Variants in ZNF709 observed in about 807,000 individuals in gnomAD.
The protein encoded by ZNF709 is zinc finger protein 709.
ZNF709 carries 15 observed loss-of-function variants against 10.6 expected under a neutral mutation model. The ratio of observed to expected loss-of-function variants is 1.41; its 90% confidence interval spans 0.95 to 2.18. The LOEUF (loss-of-function observed/expected upper bound fraction) is 2.18. Ranked by LOEUF, ZNF709 falls within the 30% of genes most tolerant of loss-of-function variation. The pLI, the probability that ZNF709 is intolerant of heterozygous loss-of-function variation, is 0.00. For missense variants in ZNF709, 589 were observed against 774.0 expected, an observed-to-expected ratio of 0.76 and a Z score of 2.84; for synonymous variants, 194 against 238.8, an observed-to-expected ratio of 0.81 and a Z score of 1.73.
chr19:12,470,699 G>A (rs1415649970), intron 1 of ZNF709, among the ~76,000 whole-genome samples: 3 of 152,014 alleles, frequency 2.0e-5, no homozygotes, highest in Non-Finnish European at 4.4e-5. Flanking sequence ...AGGCTGAGGT[G>A]GGCGGATCAC....
At chr19:12,481,275 G>A in intron 1 of ZNF709, 1 of 735,466 alleles carries the variant, frequency 1.4e-6, no homozygotes, top group East Asian at 1.3e-4. Context: ...CTGTTGCCCA[G>A]GCTGGATTGC....
intron 1 of ZNF709, among the ~76,000 whole-genome samples, chr19:12,468,533 A>T (rs949447105): frequency 4.0e-4 from 60 of 151,638 alleles, no homozygotes; most frequent in Admixed American, 1.1e-3. Context: ...CCTAATCTCA[A>T]GTACCCAGGG....
In ZNF709 at chr19:12,463,458, A is replaced by G. The variant is rs986794780; in HGVS notation, c.*538T>C. 6.6e-6 allele frequency: 1 copy of G among 152,236 alleles called. No homozygotes were observed. Among genetic ancestry groups the G allele is most frequent in the Non-Finnish European group, 1.5e-5 (1 of 68,050 alleles). The allele number at this position is 152,236 out of a possible 1,614,324, so 9.4% of individuals were successfully genotyped here. A position where few individuals can be genotyped will look rare whatever the true frequency, so the allele number is the denominator to read the frequency against. On this transcript the variant is annotated 3_prime_UTR_variant, in exon 4 of 4. Coordinates refer to ENST00000397732, the MANE Select transcript of ZNF709 (RefSeq NM_152601.4). Reference sequence around the variant, plus strand: ...CATATGAAAATTCTTTACACTTCATATGCCTTCTCATGGTCCTTAAAAGGT... The same window carrying G: ...CATATGAAAATTCTTTACACTTCATGTGCCTTCTCATGGTCCTTAAAAGGT...
At chr19:12,470,164 C>T (rs1295544488) in intron 1 of ZNF709, among the ~76,000 whole-genome samples, 1 of 152,084 alleles carries the variant, frequency 6.6e-6, no homozygotes, top group Non-Finnish European at 1.5e-5. Flanking sequence ...GCATGAGATC[C>T]CGACACCAAA....
chr19:12,465,604 C>A lies in ZNF709; in HGVS notation c.318G>T (p.Val106=), dbSNP rs779568323. Residue 106 remains valine, a synonymous_variant, in exon 4 of 4, where the codon GTG becomes GTT. Coordinates refer to ENST00000397732, the MANE Select transcript of ZNF709 (RefSeq NM_152601.4). ...AATGACACATATAGTCCTTTCCACACACACTACATTCATATGGTTTTACTC... is the reference window on the plus strand; with the variant it reads ...AATGACACATATAGTCCTTTCCACAAACACTACATTCATATGGTTTTACTC... The part of the protein sequence containing the change: ...FTRVKPYECS[V]CGKDYMCHSS... The A allele has an allele frequency of 6.2e-7, 1 of 1,613,946 alleles. No individual in the cohort carries two copies. Among genetic ancestry groups the A allele is most frequent in the Non-Finnish European group, 8.5e-7 (1 of 1,179,994 alleles).
chr19:12,465,821 G>C (rs1487790909), intron 3 of ZNF709, 88 bp from the exon 4 acceptor site: 3 of 1,081,834 alleles, frequency 2.8e-6, no homozygotes, highest in Non-Finnish European at 3.7e-6. Context: ...ACAATCATTA[G>C]TAGGTAGTAG....
intron 1 of ZNF709, among the ~76,000 whole-genome samples, chr19:12,469,131 G>A (rs959639019): frequency 3.3e-5 from 5 of 152,174 alleles, no homozygotes; most frequent in Middle Eastern, 3.4e-3. Flanking sequence ...GTGAGCCACC[G>A]CACCCAGCCA....
At chr19:12,472,888 A>C (rs576222625) in intron 1 of ZNF709, among the ~76,000 whole-genome samples, 1 of 152,250 alleles carries the variant, frequency 6.6e-6, no homozygotes, top group Admixed American at 6.5e-5. Flanking sequence ...GTCTCAAAAA[A>C]AAAAAGGAAA....
intron 1 of ZNF709, among the ~76,000 whole-genome samples, chr19:12,468,538 C>A (rs1970604669): frequency 6.6e-6 from 1 of 151,204 alleles, no homozygotes; most frequent in Admixed American, 6.6e-5. Flanking sequence ...TCTCAAGTAC[C>A]CAGGGACACA....
Position 12,464,783 on chromosome 19 carries a change from T to A in ZNF709, c.1139A>T (p.Gln380Leu). 1 of 1,613,358 alleles carries A rather than the reference T, an allele frequency of 6.2e-7. No homozygotes were observed. Among genetic ancestry groups the A allele is most frequent in the Non-Finnish European group, 8.5e-7 (1 of 1,179,658 alleles). Residue 380 changes from glutamine to leucine, a missense_variant, in exon 4 of 4, where the codon CAA (glutamine) becomes CTA (leucine). Gln to Leu is a moderately radical substitution (Grantham distance 113). Coordinates refer to ENST00000397732, the MANE Select transcript of ZNF709 (RefSeq NM_152601.4). ...TCCAGTGTGAGTTCGTTCATGGATTTGAAAAGAACTAGGACAATCAAAGGC... is the reference window on the plus strand; with the variant it reads ...TCCAGTGTGAGTTCGTTCATGGATTAGAAAAGAACTAGGACAATCAAAGGC... ...GKAFDCPSSFQIHERTHTGEK... is the reference protein window; with the variant it reads ...GKAFDCPSSFLIHERTHTGEK...
intron 1 of ZNF709, among the ~76,000 whole-genome samples, chr19:12,483,123 A>T (rs1291786826): frequency 6.6e-6 from 1 of 152,030 alleles, no homozygotes; most frequent in East Asian, 1.9e-4. Flanking sequence ...ATGCAATATC[A>T]TACTGGGATA....
At position 12,464,288 on chromosome 19, in the gene ZNF709, C is replaced by T. The variant is rs1042766209; in HGVS notation, c.1634G>A (p.Ser545Asn). Reference sequence around the variant, plus strand: ...AGTCCTTTCATGTATTCGAATGGAACTGGAACAACTAAACGCCTTACCACA... The same window carrying T: ...AGTCCTTTCATGTATTCGAATGGAATTGGAACAACTAAACGCCTTACCACA... ...KQCGKAFSCS[S>N]SIRIHERTHT... The change falls in exon 4 of 4, where the codon AGT (serine) becomes AAT (asparagine). Residue 545 changes from serine to asparagine, a missense_variant. Ser to Asn is a conservative substitution (Grantham distance 46, BLOSUM62 1). Transcript: ENST00000397732. The T allele has an allele frequency of 4.4e-6, 7 of 1,605,420 alleles. No homozygotes were observed. Among genetic ancestry groups the T allele is most frequent in the East Asian group, 2.2e-5 (1 of 44,838 alleles).
At chr19:12,468,071 TG>T (rs1175938622) in intron 1 of ZNF709, among the ~76,000 whole-genome samples, 1 of 126,836 alleles carries the variant, frequency 7.9e-6, no homozygotes. Flanking sequence ...GGGAGGGAGG[TG>T]GGGGGTCAGC....
At chr19:12,467,410 C>A (rs1451201417) in intron 1 of ZNF709, among the ~76,000 whole-genome samples, 11 of 152,230 alleles carry the variant, frequency 7.2e-5, no homozygotes, top group African/African-American at 7.2e-5. Flanking sequence ...CCCGAGGTGC[C>A]GTGATTGCAG....
At chr19:12,483,253 G>A (rs914541139) in intron 1 of ZNF709, among the ~76,000 whole-genome samples, 18 of 150,850 alleles carry the variant, frequency 1.2e-4, no homozygotes, top group African/African-American at 2.9e-4. Context: ...CAATCCTCCC[G>A]CCTCGGCCTC....
chr19:12,481,175 C>G (rs148548298), intron 1 of ZNF709: 7 of 984,842 alleles, frequency 7.1e-6, no homozygotes, highest in Middle Eastern at 5.2e-4. Flanking sequence ...ACATTCATCT[C>G]TTATCTTGAG....
At chr19:12,467,257 C>T (rs979772116) in intron 1 of ZNF709, among the ~76,000 whole-genome samples, 3 of 152,236 alleles carry the variant, frequency 2.0e-5, no homozygotes, top group African/African-American at 7.2e-5. Context: ...CCTGCCTCAG[C>T]CTGCCGAGTG....
intron 1 of ZNF709, among the ~76,000 whole-genome samples, chr19:12,473,243 C>T (rs1970649508): frequency 6.6e-6 from 1 of 152,208 alleles, no homozygotes; most frequent in Non-Finnish European, 1.5e-5. Flanking sequence ...ACACCACCAT[C>T]AATGGATTGG....
intron 1 of ZNF709, among the ~76,000 whole-genome samples, chr19:12,478,763 G>A (rs772015866): frequency 4.6e-5 from 7 of 152,064 alleles, no homozygotes; most frequent in Non-Finnish European, 8.8e-5. Flanking sequence ...TTGGGGGTGG[G>A]GCTACAAGAG....
Sources: allele counts gnomAD v4.1 joint callset (sites outside exome capture counted in the v4.1 genomes callset), GRCh38; gene constraint gnomAD v4.1.1; transcripts MANE v1.5; gene names NCBI Gene and HGNC (gene_info 2026-07-23, HGNC 2026-07-21).